The following HIPK2 variants were observed in gnomAD, a reference collection of about 807,000 sequenced individuals.
HIPK2 encodes homeodomain-interacting protein kinase 2.
A neutral mutation model predicts 113.7 loss-of-function variants in HIPK2; 27 were observed. The observed-to-expected ratio is 0.24, with a 90% CI of 0.17 to 0.33. The LOEUF (loss-of-function observed/expected upper bound fraction) is 0.33. HIPK2 is among the 10% of genes least tolerant of loss of function. The pLI is 1.00. For synonymous variants in HIPK2, 631 were observed against 642.2 expected (o/e 0.98, Z 0.26); for missense variants, 1,257 against 1,588.0 (o/e 0.79, Z 3.54).
intron 12 of HIPK2, among the ~76,000 whole-genome samples, chr7:139,584,857 C>G (rs1798785394): frequency 6.6e-6 from 1 of 152,218 alleles, no homozygotes; most frequent in Admixed American, 6.5e-5. Flanking sequence ...GTGAAAGCCA[C>G]TCTGAAGCCC....
intron 7 of HIPK2, 170 bp downstream of exon 7, chr7:139,620,231 A>G (rs1800187844): frequency 3.9e-6 from 2 of 512,968 alleles, no homozygotes; most frequent in South Asian, 1.7e-4. Flanking sequence ...AAGTCAACAC[A>G]AAATGTGCCT....
intron 2 of HIPK2, among the ~76,000 whole-genome samples, chr7:139,715,544 T>C (rs1170243234): frequency 6.6e-6 from 1 of 152,206 alleles, no homozygotes; most frequent in Admixed American, 6.5e-5. Flanking sequence ...TCACAAACTG[T>C]TCTGGCCAGG....
chr7:139,716,863 G>A lies in HIPK2; in HGVS notation c.172C>T (p.Pro58Ser). 1.2e-6 allele frequency: 2 copies of A among 1,613,846 alleles called. No individual in the cohort carries two copies. Among genetic ancestry groups the A allele is most frequent in the East Asian group, 2.2e-5 (1 of 44,864 alleles). ...SKVYSQSKNI[P>S]LSQPATTTVS... ...GTTGTGGTGGCTGGCTGCGACAGGG[G>A]GATGTTCTTGCTCTGGCTATACACT... is the stretch of plus-strand genomic sequence containing the variant. Residue 58 changes from proline to serine, a missense_variant, in exon 2 of 15, where the codon CCC (proline) becomes TCC (serine). By Grantham distance (74) the Pro-to-Ser change is moderately conservative. This residue lies in a region of HIPK2 where 209 missense variants were observed against 237.8 expected (regional missense o/e 0.88). Transcript: ENST00000406875. This position sits in a 1 kb window ranked among gnomAD's most constrained non-coding sequence, Gnocchi z 9.3.
At chr7:139,672,669 A>G (rs955848876) in intron 2 of HIPK2, among the ~76,000 whole-genome samples, 1 of 152,192 alleles carries the variant, frequency 6.6e-6, no homozygotes, top group Admixed American at 6.5e-5. Context: ...CATGTTGGCC[A>G]GGCTGGTCTC....
At chr7:139,579,831 C>A (rs1004623499) in intron 13 of HIPK2, among the ~76,000 whole-genome samples, 1 of 152,146 alleles carries the variant, frequency 6.6e-6, no homozygotes, top group Non-Finnish European at 1.5e-5. Flanking sequence ...CCCCTCCCAC[C>A]CCATCCACTG....
At chr7:139,677,791 C>T (rs1569472145) in intron 2 of HIPK2, among the ~76,000 whole-genome samples, 1 of 152,172 alleles carries the variant, frequency 6.6e-6, no homozygotes, top group Non-Finnish European at 1.5e-5. Context: ...TGAGGAATCA[C>T]CACACTGTCT....
intron 2 of HIPK2, among the ~76,000 whole-genome samples, chr7:139,695,822 C>T (rs1794547909): frequency 6.6e-6 from 1 of 152,168 alleles, no homozygotes; most frequent in South Asian, 2.1e-4. Context: ...AAATCCTGTC[C>T]CACAGCTTAA....
chr7:139,571,648 TAAAAAGAAAAAG>T lies in HIPK2; in HGVS notation c.*1267_*1278del, dbSNP rs1033956146. ...GGAAAGACAACGGGCATTAACATTTTAAAAAGAAAAAGAAAAAGAAAAAAAAAAGGCCAGCGT... is the reference window on the plus strand; with the variant it reads ...GGAAAGACAACGGGCATTAACATTTTAAAAAGAAAAAAAAAAGGCCAGCGT... On this transcript the variant is annotated 3_prime_UTR_variant, in exon 15 of 15. Transcript: ENST00000406875. 1.3e-5 allele frequency: 2 copies of T among 150,366 alleles called. No individual in the cohort carries two copies. The highest frequency in any genetic ancestry group is 6.6e-5 in the Admixed American group (1 of 15,126). The allele number at this position is 150,366 out of a possible 1,614,324, so 9.3% of individuals were successfully genotyped here. A position where few individuals can be genotyped will look rare whatever the true frequency, so the allele number is the denominator to read the frequency against.
At chr7:139,744,346 C>T (rs903136419) in intron 1 of HIPK2, among the ~76,000 whole-genome samples, 3 of 152,160 alleles carry the variant, frequency 2.0e-5, no homozygotes, top group Middle Eastern at 3.2e-3. Flanking sequence ...GATTCCATTT[C>T]AATGAAATGT....
At chr7:139,718,663 T>C (rs888981196) in intron 1 of HIPK2, among the ~76,000 whole-genome samples, 6 of 152,214 alleles carry the variant, frequency 3.9e-5, no homozygotes, top group Non-Finnish European at 7.3e-5. Context: ...CTCTTGTAGC[T>C]TTCCATTTCT....
intron 2 of HIPK2, among the ~76,000 whole-genome samples, chr7:139,639,751 C>T (rs1263438917): frequency 6.6e-6 from 1 of 152,170 alleles, no homozygotes; most frequent in Non-Finnish European, 1.5e-5. Context: ...TGTAGGTGCT[C>T]CATACACATT....
intron 7 of HIPK2, among the ~76,000 whole-genome samples, chr7:139,616,839 C>T (rs1800064512): frequency 6.6e-6 from 1 of 152,240 alleles, no homozygotes; most frequent in Non-Finnish European, 1.5e-5. Context: ...TTCTGTAACA[C>T]ATAATCTGTT....
intron 2 of HIPK2, among the ~76,000 whole-genome samples, chr7:139,669,958 C>G (rs1437096247): frequency 1.3e-5 from 2 of 152,046 alleles, no homozygotes; most frequent in Admixed American, 6.6e-5. Context: ...TGATTTTAAC[C>G]TTTTACTTAT....
intron 1 of HIPK2, among the ~76,000 whole-genome samples, chr7:139,769,323 C>T (rs1039381566): frequency 1.3e-5 from 2 of 152,342 alleles, no homozygotes; most frequent in African/African-American, 2.4e-5. Flanking sequence ...TGCCTTCCAC[C>T]GCACCACAAG....
At chr7:139,742,411 C>T (rs1236053643) in intron 1 of HIPK2, among the ~76,000 whole-genome samples, 1 of 152,184 alleles carries the variant, frequency 6.6e-6, no homozygotes, top group African/African-American at 2.4e-5. Context: ...TGCAGGACTT[C>T]TCAGAGGCTT....
chr7:139,612,763 A>C (rs1158056858), intron 9 of HIPK2, among the ~76,000 whole-genome samples: 1 of 152,210 alleles, frequency 6.6e-6, no homozygotes, highest in Non-Finnish European at 1.5e-5. Context: ...TCCAGCTTAC[A>C]GTAACCATGA....
Position 139,631,264 on chromosome 7 carries a change from T to C in HIPK2, c.1248A>G (p.Thr416=). 1 of 1,613,300 alleles carries C rather than the reference T, an allele frequency of 6.2e-7. No individual in the cohort carries two copies. Among genetic ancestry groups the C allele is most frequent in the Non-Finnish European group, 8.5e-7 (1 of 1,179,616 alleles). The change falls in exon 4 of 15, where the codon ACA becomes ACG. Residue 416 remains threonine, a synonymous_variant. Coordinates refer to ENST00000406875, the MANE Select transcript of HIPK2 (RefSeq NM_022740.5). The surrounding 1 kb of genome is among the most constrained non-coding windows in gnomAD (Gnocchi z 4.9). The stretch of plus-strand genomic sequence containing the variant: ...ATAAATATTCAGCAGGCAAACCCTG[T>C]GTTTGTGAAATATACCGAATCTGCA... The part of the protein sequence containing the change: ...EYDQIRYISQ[T]QGLPAEYLLS...
intron 7 of HIPK2, 166 bp from the exon 8 acceptor site, chr7:139,614,659 G>GA: frequency 4.9e-6 from 1 of 203,388 alleles, no homozygotes; most frequent in East Asian, 1.9e-4. Context: ...AAACACGATT[G>GA]AAAGTCGCAG....
intron 2 of HIPK2, among the ~76,000 whole-genome samples, chr7:139,690,557 G>C (rs1316333008): frequency 6.6e-6 from 1 of 152,066 alleles, no homozygotes; most frequent in Non-Finnish European, 1.5e-5. Context: ...GCCAGCCCCA[G>C]CACTTTGGGG....
Sources: allele counts gnomAD v4.1 joint callset (sites outside exome capture counted in the v4.1 genomes callset), GRCh38; gene constraint gnomAD v4.1.1; regional missense constraint gnomAD v4.1.1; non-coding constraint Gnocchi (gnomAD v3.1); transcripts MANE v1.5; gene names NCBI Gene and HGNC (gene_info 2026-07-23, HGNC 2026-07-21).